Variants in ABRAXAS1 observed in about 807,000 individuals in gnomAD.
The protein encoded by ABRAXAS1 is BRCA1-A complex subunit Abraxas 1.
A neutral mutation model predicts 38.4 loss-of-function variants in ABRAXAS1; 26 were observed. That is an observed-to-expected ratio of 0.68 (90% confidence interval 0.50 to 0.94). The LOEUF (loss-of-function observed/expected upper bound fraction) is 0.94. ABRAXAS1 is among the 40% of genes least tolerant of loss of function. The pLI is 0.00. For synonymous variants in ABRAXAS1, 144 were observed against 165.5 expected (o/e 0.87, Z 1.00); for missense variants, 438 against 481.9 (o/e 0.91, Z 0.85).
intron 8 of ABRAXAS1, 103 bp downstream of exon 8, chr4:83,463,391 C>G: frequency 1.3e-6 from 1 of 742,050 alleles, no homozygotes; most frequent in South Asian, 2.1e-5. Context: ...TGAGATCACA[C>G]CTTTGCACTC....
In ABRAXAS1 at chr4:83,459,877, AT is replaced by A; in HGVS notation, c.*2591del. 1 of 1,261,956 alleles carries A rather than the reference AT, an allele frequency of 7.9e-7. No homozygotes were observed. Among genetic ancestry groups the A allele is most frequent in the South Asian group, 1.4e-5 (1 of 73,826 alleles). The allele number at this position is 1,261,956 out of a possible 1,614,324, so 78.2% of individuals were successfully genotyped here. ...ATTTCTATCATTTAAGAAAACTCAA[AT>A]TTTCAAATTGTGCTATAAATTACTA... is the stretch of plus-strand genomic sequence containing the variant. On this transcript the variant is annotated 3_prime_UTR_variant, in exon 9 of 9. Coordinates refer to ENST00000321945, the MANE Select transcript of ABRAXAS1 (RefSeq NM_139076.3).
rs1204445539 is a variant in ABRAXAS1 at position 83,470,234 on chromosome 4, G to C, written c.445C>G (p.Leu149Val). 1 of 1,613,486 alleles carries C rather than the reference G, an allele frequency of 6.2e-7. No homozygotes were observed. The highest frequency in any genetic ancestry group is 8.5e-7 in the Non-Finnish European group (1 of 1,179,626). Residue 149 changes from leucine (L) to valine (V), a missense_variant, in exon 5 of 9, where the codon CTG becomes GTG. Leu to Val is a conservative substitution (Grantham distance 32). Coordinates refer to ENST00000321945, the MANE Select transcript of ABRAXAS1 (RefSeq NM_139076.3). ...TGAGGTTTATATAAGGAATGTTCCA[G>C]TCGATGAGTAGAGCAGCTTTCTGTT... ...IITESCSTHR[L>V]EHSLYKPQKG...
chr4:83,468,413 T>G (rs939240000), intron 6 of ABRAXAS1, among the ~76,000 whole-genome samples: 9 of 151,572 alleles, frequency 5.9e-5, no homozygotes, highest in African/African-American at 2.2e-4. Context: ...GTAAGTAAAA[T>G]CTAACCCCTT....
chr4:83,469,171 G>C lies in ABRAXAS1; in HGVS notation c.477-20C>G. On this transcript the variant is annotated intron_variant, in intron 5 of 8. Coordinates refer to ENST00000321945, the MANE Select transcript of ABRAXAS1 (RefSeq NM_139076.3). The stretch of plus-strand genomic sequence containing the variant: ...AAAAGTCTGACAAAATAAAACTTTA[G>C]AGTATAAACTTAGAATGAAAAGAAA... The C allele has an allele frequency of 6.2e-7, 1 of 1,606,966 alleles. No homozygotes were observed.
rs774586693 is a variant in ABRAXAS1 at position 83,469,092 on chromosome 4, T to C, written c.536A>G (p.Tyr179Cys). The C allele has an allele frequency of 9.3e-6, 15 of 1,614,028 alleles. No individual in the cohort carries two copies. The South Asian group carries it at 1.4e-4, about 15-fold the overall frequency. Residue 179 changes from tyrosine (Y) to cysteine (C), a missense_variant, in exon 6 of 9, where the codon TAT becomes TGT. Tyr to Cys is a radical substitution (Grantham distance 194). Around this residue, in one of 3 missense-constraint regions of ABRAXAS1, gnomAD observed 194 missense variants for 269.0 expected, o/e 0.72. Coordinates refer to ENST00000321945, the MANE Select transcript of ABRAXAS1 (RefSeq NM_139076.3). ...CATACAGGAACCTGATACAGTTTTA[T>C]AACCCAGTTGTTCAGACATGCCCAG... is the stretch of plus-strand genomic sequence containing the variant. Reference protein sequence around the residue: ...ANLGMSEQLGYKTVSGSCMST... With the variant: ...ANLGMSEQLGCKTVSGSCMST...
intron 2 of ABRAXAS1, chr4:83,477,851 C>T: frequency 5.3e-6 from 4 of 759,806 alleles, no homozygotes; most frequent in Admixed American, 1.8e-5. Flanking sequence ...ATCTGTAGAA[C>T]GTTTAGAAGA....
intron 2 of ABRAXAS1, chr4:83,478,293 G>T (rs1462299190): frequency 3.1e-6 from 2 of 647,162 alleles, no homozygotes; most frequent in Non-Finnish European, 3.0e-6. Context: ...ACTTTGGATG[G>T]TATTTTAAAA....
intron 5 of ABRAXAS1, 105 bp from the exon 6 acceptor site, chr4:83,469,256 C>A (rs1192025478): frequency 3.3e-6 from 3 of 906,096 alleles, no homozygotes; most frequent in Non-Finnish European, 5.2e-6. Context: ...AAAAAATACA[C>A]CCCCCAAAAC....
chr4:83,484,661 G>A (rs1021279375), intron 1 of ABRAXAS1, among the ~76,000 whole-genome samples: 5 of 152,250 alleles, frequency 3.3e-5, no homozygotes, highest in African/African-American at 4.8e-5. Context: ...GCAGCGGAAA[G>A]ACGCTCCGTG....
At chr4:83,477,964 A>C (rs1722844461) in intron 2 of ABRAXAS1, 1 of 905,692 alleles carries the variant, frequency 1.1e-6, no homozygotes, top group Admixed American at 1.8e-5. Context: ...TGCAGGCTCA[A>C]GGAAGTTTGT....
At position 83,460,934 on chromosome 4, in the gene ABRAXAS1, T is replaced by G. The variant is rs559047395; in HGVS notation, c.*1535A>C. 3.8e-6 allele frequency: 6 copies of G among 1,566,296 alleles called. No homozygotes were observed. The South Asian group carries it at 5.9e-5, about 15-fold the overall frequency. ...AAAAAAAATTGCAAACTTTAAATAT[T>G]GACATTTTTTATGAATAAGAAAGCT... On this transcript the variant is annotated 3_prime_UTR_variant, in exon 9 of 9. Coordinates refer to ENST00000321945, the MANE Select transcript of ABRAXAS1 (RefSeq NM_139076.3).
chr4:83,468,914 G>A (rs1257082182), intron 6 of ABRAXAS1, 118 bp downstream of exon 6: 5 of 1,200,630 alleles, frequency 4.2e-6, no homozygotes, highest in Non-Finnish European at 4.8e-6. Context: ...AAACAGCCTA[G>A]TTTACTTGAG....
chr4:83,462,824 T>G lies in ABRAXAS1; in HGVS notation c.875A>C (p.Glu292Ala), dbSNP rs1578122514. 1 of 1,611,200 alleles carries G rather than the reference T, an allele frequency of 6.2e-7. No individual in the cohort carries two copies. The highest frequency in any genetic ancestry group is 8.5e-7 in the Non-Finnish European group (1 of 1,179,276). The stretch of plus-strand genomic sequence containing the variant: ...AGACATAACACATGAATGAAGAAAT[T>G]CAGAATTTGGAAAAAAGGTCCGTAA... ...QALRTFFPNS[E>A]FLHSCVMSLK... Residue 292 changes from glutamate to alanine, a missense_variant, in exon 9 of 9, where the codon GAA becomes GCA. Around this residue, in one of 3 missense-constraint regions of ABRAXAS1, gnomAD observed 184 missense variants for 181.9 expected, o/e 1.01. Coordinates refer to ENST00000321945, the MANE Select transcript of ABRAXAS1 (RefSeq NM_139076.3).
chr4:83,467,388 TGTCA>T, intron 7 of ABRAXAS1, 62 bp downstream of exon 7: 1 of 900,848 alleles, frequency 1.1e-6, no homozygotes, highest in Non-Finnish European at 1.8e-6. Context: ...TCCTAAAAAA[TGTCA>T]GTCATTAACT....
At chr4:83,465,821 T>C (rs907529362) in intron 7 of ABRAXAS1, among the ~76,000 whole-genome samples, 2 of 152,178 alleles carry the variant, frequency 1.3e-5, no homozygotes, top group Non-Finnish European at 2.9e-5. Context: ...TGGATGTTTT[T>C]ACCATCTAAA....
intron 3 of ABRAXAS1, 24 bp downstream of exon 3, chr4:83,476,619 T>G (rs1465533917): frequency 1.3e-6 from 2 of 1,491,468 alleles, no homozygotes; most frequent in East Asian, 4.5e-5. Context: ...AATGGATCAT[T>G]TACTTACTAG....
chr4:83,468,030 C>T (rs987450927), intron 6 of ABRAXAS1, among the ~76,000 whole-genome samples: 5 of 152,052 alleles, frequency 3.3e-5, no homozygotes, highest in East Asian at 1.9e-4. Flanking sequence ...TTGCCGGGCG[C>T]GGTGGCTCAC....
rs571733485 is a variant in ABRAXAS1, at chr4:83,472,554, A to G, written c.216-266T>C. Among the ~76,000 whole-genome samples, 14 of 152,338 alleles carry G rather than the reference A, an allele frequency of 9.2e-5. No homozygotes were observed. In the South Asian group the frequency reaches 2.9e-3, roughly 32 times the overall value. On this transcript the variant is annotated intron_variant, in intron 3 of 8. Coordinates refer to ENST00000321945, the MANE Select transcript of ABRAXAS1 (RefSeq NM_139076.3). ...TGGGAATCGTTTTTTTTGAACCTAAAACAGTAAACTATCCATGAAATACAG... is the reference window on the plus strand; with the variant it reads ...TGGGAATCGTTTTTTTTGAACCTAAGACAGTAAACTATCCATGAAATACAG...
intron 4 of ABRAXAS1, among the ~76,000 whole-genome samples, chr4:83,471,056 C>G (rs529559487): frequency 1.1e-3 from 173 of 152,042 alleles, no homozygotes; most frequent in Admixed American, 2.2e-3. Context: ...TATATTTGCA[C>G]ATTTGAATTG....
Sources: gnomAD v4.1 joint callset for allele counts (sites outside exome capture counted in the v4.1 genomes callset) on GRCh38, gnomAD v4.1.1 for gene constraint, gnomAD v4.1.1 regional missense constraint, MANE v1.5 for transcripts, NCBI Gene and HGNC (gene_info 2026-07-23, HGNC 2026-07-21) for gene names.